The following PTPN23 variants were observed in gnomAD, a reference collection of about 807,000 sequenced individuals.
PTPN23 encodes the protein protein tyrosine phosphatase non-receptor type 23, also known as tyrosine-protein phosphatase non-receptor type 23.
In PTPN23, 72 loss-of-function variants were observed where a neutral mutation model predicts 156.3. That is an observed-to-expected ratio of 0.46 (90% CI 0.38 to 0.56). The LOEUF (loss-of-function observed/expected upper bound fraction) is 0.56, where lower values mean the gene tolerates loss of function less well. PTPN23 is among the 20% of genes least tolerant of loss of function. PTPN23 has a pLI of 0.00. For synonymous variants in PTPN23, 957 were observed against 899.6 expected, an observed-to-expected ratio of 1.06 and a Z score of -1.14; for missense variants, 1,974 against 2,171.5, an observed-to-expected ratio of 0.91 and a Z score of 1.81.
chr3:47,398,501 G>T (rs915736875), intron 2 of PTPN23, among the ~76,000 whole-genome samples: 15 of 151,888 alleles, frequency 9.9e-5, no homozygotes, highest in East Asian at 9.7e-4. Context: ...GGGTTTTTTT[G>T]TGTGTTTTTG....
Position 47,409,950 on chromosome 3 carries a change from C to T in PTPN23, c.2152C>T (p.Pro718Ser). 1.9e-6 allele frequency: 3 copies of T among 1,568,776 alleles called. No homozygotes were observed. Among genetic ancestry groups the T allele is most frequent in the Non-Finnish European group, 2.6e-6 (3 of 1,160,124 alleles). Residue 718 changes from proline to serine, a missense_variant, in exon 20 of 25, where the codon CCA becomes TCA. By Grantham distance (74) the Pro-to-Ser change is moderately conservative (BLOSUM62 -1). Around this residue, in one of 4 missense-constraint regions of PTPN23, gnomAD observed 731 missense variants for 669.1 expected, o/e 1.09. Transcript: ENST00000265562. ...LDRELKKKPPPRPTAPKPLLP... is the reference protein window; with the variant it reads ...LDRELKKKPPSRPTAPKPLLP... Reference sequence around the variant, plus strand: ...CAGGGAGCTGAAGAAGAAGCCGCCGCCACGGCCCACAGCCCCAAAGCCGCT... The same window carrying T: ...CAGGGAGCTGAAGAAGAAGCCGCCGTCACGGCCCACAGCCCCAAAGCCGCT...
Position 47,405,867 on chromosome 3 carries a change from A to T in PTPN23, c.415-48A>T, listed in dbSNP as rs776939061. 1 of 1,605,866 alleles carries T rather than the reference A, an allele frequency of 6.2e-7. No individual in the cohort carries two copies. The highest frequency in any genetic ancestry group is 2.2e-5 in the East Asian group (1 of 44,794). ...GGGGCAGCCTCCCAAGTATGGATGA[A>T]TCCTGACCCATGGAGTGGACACAGG... On this transcript the variant is annotated intron_variant, in intron 5 of 24. Transcript: ENST00000265562. This position sits in a 1 kb window ranked among gnomAD's most constrained non-coding sequence, Gnocchi z 4.7.
intron 1 of PTPN23, among the ~76,000 whole-genome samples, chr3:47,389,242 G>A (rs918304909): frequency 6.6e-6 from 1 of 152,158 alleles, no homozygotes; most frequent in Non-Finnish European, 1.5e-5. Context: ...CCCTGTTTGG[G>A]AAATAACTCG....
chr3:47,409,861 C>T lies in PTPN23; in HGVS notation c.2129+27C>T, dbSNP rs376339315. ...TTTGTGTGGCCCTGGGGCTGTGGTG[C>T]GGCTCGGGTCCAGACAGGCTGGGGT... On this transcript the variant is annotated intron_variant, in intron 19 of 24. Transcript: ENST00000265562. The T allele has an allele frequency of 5.4e-5, 86 of 1,599,348 alleles. No homozygotes were observed. The South Asian group carries it at 6.3e-4, about 12-fold the overall frequency.
intron 1 of PTPN23, among the ~76,000 whole-genome samples, chr3:47,387,072 G>A (rs1364481013): frequency 1.3e-5 from 2 of 152,162 alleles, no homozygotes; most frequent in East Asian, 3.9e-4. Context: ...ATGTGGGAAC[G>A]AGGCCTTGAG....
chr3:47,410,302 C>T lies in PTPN23; in HGVS notation c.2504C>T (p.Pro835Leu), dbSNP rs1012883629. ...TACACACCGGAGCTGGGCCTTGTGC[C>T]CCGATCCTCCCCACAGCATGGCGTG... The part of the protein sequence containing the change: ...PAYTPELGLV[P>L]RSSPQHGVVS... The change falls in exon 20 of 25, where the codon CCC (proline) becomes CTC (leucine). Residue 835 changes from proline (P) to leucine (L), a missense_variant. Pro to Leu is a moderately conservative substitution (Grantham distance 98, BLOSUM62 -3). Transcript: ENST00000265562. The T allele has an allele frequency of 6.2e-7, 1 of 1,604,550 alleles. No homozygotes were observed. Among genetic ancestry groups the T allele is most frequent in the East Asian group, 2.2e-5 (1 of 44,728 alleles).
In PTPN23 at chr3:47,383,853, CTG is replaced by C. The variant is rs147869220; in HGVS notation, c.84+2676_84+2677del. ...TTACTCCTATAGACACTGGAGGAGA[CTG>C]TGCAGACACCACTGCAGCCTGGGGA... On this transcript the variant is annotated intron_variant, in intron 1 of 24. Transcript: ENST00000265562. Among the ~76,000 whole-genome samples, 432 of 152,292 alleles carry C rather than the reference CTG, an allele frequency of 2.8e-3. 2 individuals are homozygous for C. Among genetic ancestry groups the C allele is most frequent in the African/African-American group, 9.8e-3 (406 of 41,552 alleles).
rs200611661 is a variant in PTPN23 at position 47,408,437 on chromosome 3, C to G, written c.1277C>G (p.Ala426Gly). ...CCACCCCAGCTCATGGAGAAGTGCG[C>G]GGCTCTCAGCGTCCGGCCCGACACT... ...HIPPQLMEKC[A>G]ALSVRPDTVR... is the part of the protein sequence containing the mutation. Residue 426 changes from alanine to glycine, a missense_variant, in exon 15 of 25, where the codon GCG (alanine) becomes GGG (glycine). This residue lies in a region of PTPN23 where 726 missense variants were observed against 929.5 expected (regional missense o/e 0.78). Transcript: ENST00000265562. 1 of 1,614,116 alleles carries G rather than the reference C, an allele frequency of 6.2e-7. No homozygotes were observed. Among genetic ancestry groups the G allele is most frequent in the African/African-American group, 1.3e-5 (1 of 75,036 alleles).
At chr3:47,412,023 T>G in intron 21 of PTPN23, 56 bp downstream of exon 21, 1 of 1,607,432 alleles carries the variant, frequency 6.2e-7, no homozygotes, top group Non-Finnish European at 8.5e-7. Context: ...CAGTCCTTGG[T>G]GCTGGGAGGG....
intron 2 of PTPN23, 66 bp from the exon 3 acceptor site, chr3:47,404,586 T>C (rs1705076961): frequency 5.7e-6 from 9 of 1,588,652 alleles, no homozygotes; most frequent in East Asian, 4.5e-5. Flanking sequence ...CATTTGTGAG[T>C]TAGCTGGCCT....
At chr3:47,401,466 C>G (rs1044956060) in intron 2 of PTPN23, among the ~76,000 whole-genome samples, 1 of 152,140 alleles carries the variant, frequency 6.6e-6, no homozygotes, top group Non-Finnish European at 1.5e-5. Context: ...TTTGGCCTCC[C>G]AAAGTGCTGG....
At position 47,407,554 on chromosome 3, in the gene PTPN23, C is replaced by A. The variant is rs1323465981; in HGVS notation, c.973C>A (p.Pro325Thr). The change falls in exon 12 of 25, where the codon CCA becomes ACA. Residue 325 changes from proline (P) to threonine (T), a missense_variant. Pro to Thr is a conservative substitution (Grantham distance 38). Transcript: ENST00000265562. The surrounding 1 kb of genome is among the most constrained non-coding windows in gnomAD (Gnocchi z 4.0). Reference sequence around the variant, plus strand: ...CGACTTCATTTACCATGAGGCTGTCCCAGCATTGGACACTCTTCAGCCTGT... The same window carrying A: ...CGACTTCATTTACCATGAGGCTGTCACAGCATTGGACACTCTTCAGCCTGT... ...DNDFIYHEAV[P>T]ALDTLQPVKG... The A allele has an allele frequency of 1.2e-6, 2 of 1,613,984 alleles. No individual in the cohort carries two copies. Among genetic ancestry groups the A allele is most frequent in the South Asian group, 2.2e-5 (2 of 91,072 alleles).
chr3:47,409,128 G>T (rs928996103), intron 16 of PTPN23, 35 bp from the exon 17 acceptor site: 1 of 1,607,642 alleles, frequency 6.2e-7, no homozygotes, highest in African/African-American at 1.3e-5. Context: ...CGAGCTGGGG[G>T]TTTCTCTGGC....
chr3:47,385,670 C>T (rs987213095), intron 1 of PTPN23, among the ~76,000 whole-genome samples: 1 of 152,098 alleles, frequency 6.6e-6, no homozygotes, highest in African/African-American at 2.4e-5. Context: ...GAGTGAGACC[C>T]TGTCTCCAAA....
At chr3:47,384,471 A>AAAG (rs1408117819) in intron 1 of PTPN23, among the ~76,000 whole-genome samples, 1 of 151,522 alleles carries the variant, frequency 6.6e-6, no homozygotes, top group Non-Finnish European at 1.5e-5. Flanking sequence ...AAAAAAAAAA[A>AAAG]AAAAGAGTAG....
chr3:47,387,570 CAA>C (rs10548678), intron 1 of PTPN23, among the ~76,000 whole-genome samples: 68,314 of 135,708 alleles, frequency 0.5, 17,703 homozygotes, highest in Non-Finnish European at 0.6. Flanking sequence ...GACCCTGTCT[CAA>C]AAAAAAAAAA....
intron 1 of PTPN23, among the ~76,000 whole-genome samples, chr3:47,390,072 CAAA>C (rs891612283): frequency 8.1e-5 from 4 of 49,346 alleles, no homozygotes; most frequent in African/African-American, 1.5e-4. Context: ...GACTCCGTCT[CAAA>C]AAAAAAAAAA....
intron 1 of PTPN23, among the ~76,000 whole-genome samples, chr3:47,382,074 A>C (rs1478751936): frequency 6.6e-6 from 1 of 152,170 alleles, no homozygotes; most frequent in Non-Finnish European, 1.5e-5. Context: ...CCCAATCTAG[A>C]TGGTGCACCA....
Position 47,411,254 on chromosome 3 carries a change from T to C in PTPN23, c.3456T>C (p.Arg1152=). Residue 1152 remains arginine, a synonymous_variant, in exon 20 of 25, where the codon CGT becomes CGC. Coordinates refer to ENST00000265562, the MANE Select transcript of PTPN23 (RefSeq NM_015466.4). This position sits in a 1 kb window ranked among gnomAD's most constrained non-coding sequence, Gnocchi z 6.3. ...CCAAGGTGGATGCAGCTGAGGGTCG[T>C]CGGCCGCAGGCCCTGCGGCTGATTG... ...QPTKVDAAEG[R]RPQALRLIER... 2 of 1,609,016 alleles carry C rather than the reference T, an allele frequency of 1.2e-6. No individual in the cohort carries two copies. The highest frequency in any genetic ancestry group is 1.7e-6 in the Non-Finnish European group (2 of 1,179,740).
Sources: allele counts gnomAD v4.1 joint callset (sites outside exome capture counted in the v4.1 genomes callset), GRCh38; gene constraint gnomAD v4.1.1; regional missense constraint gnomAD v4.1.1; non-coding constraint Gnocchi (gnomAD v3.1); transcripts MANE v1.5; gene names NCBI Gene and HGNC (gene_info 2026-07-23, HGNC 2026-07-21).